Variants in THRB observed in about 807,000 individuals in gnomAD.
The protein encoded by THRB is nuclear receptor subfamily 1 group A member 2.
A neutral mutation model predicts 47.8 loss-of-function variants in THRB; 12 were observed. The observed-to-expected ratio is 0.25, with a 90% CI of 0.16 to 0.41. THRB has a LOEUF of 0.41. Ranked by LOEUF, THRB falls within the 10% of genes least tolerant of loss-of-function variation. The pLI is 1.00. For missense variants in THRB, 348 were observed against 589.2 expected, an observed-to-expected ratio of 0.59 and a Z score of 4.24; for synonymous variants, 218 against 212.2, an observed-to-expected ratio of 1.03 and a Z score of -0.24.
intron 2 of THRB, among the ~76,000 whole-genome samples, chr3:24,326,691 A>G (rs982469500): frequency 5.3e-5 from 8 of 151,426 alleles, no homozygotes; most frequent in African/African-American, 1.9e-4. Context: ...TTATTAAGCA[A>G]ACTCCCAAAC....
chr3:24,387,716 T>C (rs149525096), intron 1 of THRB, among the ~76,000 whole-genome samples: 9 of 152,254 alleles, frequency 5.9e-5, no homozygotes, highest in Non-Finnish European at 1.0e-4. Context: ...GTTGAAACTG[T>C]ATCCTTAGAA....
intron 2 of THRB, among the ~76,000 whole-genome samples, chr3:24,337,044 A>C (rs1319305306): frequency 6.6e-6 from 1 of 152,164 alleles, no homozygotes; most frequent in Non-Finnish European, 1.5e-5. Flanking sequence ...TTCTGGCATA[A>C]CAAGTGAAAA....
intron 1 of THRB, among the ~76,000 whole-genome samples, chr3:24,449,105 G>A (rs2072389368): frequency 6.6e-6 from 1 of 152,080 alleles, no homozygotes; most frequent in Non-Finnish European, 1.5e-5. Flanking sequence ...ATTTAAAGTT[G>A]GCCAATGAAA....
chr3:24,348,467 T>A (rs80188082), intron 1 of THRB: 1 of 152,096 alleles, frequency 6.6e-6, no homozygotes, highest in Non-Finnish European at 1.5e-5. Context: ...TCATGCCTTT[T>A]CCTTGTATAT....
At chr3:24,177,928 G>T (rs1351546153) in intron 5 of THRB, among the ~76,000 whole-genome samples, 1 of 152,128 alleles carries the variant, frequency 6.6e-6, no homozygotes, top group Non-Finnish European at 1.5e-5. Flanking sequence ...TAAAGTGGCT[G>T]TGTCTTTTTT....
chr3:24,125,387 G>A (rs893646623), intron 10 of THRB, among the ~76,000 whole-genome samples: 2 of 152,162 alleles, frequency 1.3e-5, no homozygotes, highest in Admixed American at 6.5e-5. Flanking sequence ...GAAGAAAACC[G>A]TCAGAGAAAC....
chr3:24,446,204 G>A (rs1306740972), intron 1 of THRB, among the ~76,000 whole-genome samples: 2 of 152,114 alleles, frequency 1.3e-5, no homozygotes, highest in Admixed American at 6.5e-5. Flanking sequence ...GGAAGCCTTC[G>A]CCTTTTATGT....
At chr3:24,311,704 C>T (rs2057771889) in intron 2 of THRB, among the ~76,000 whole-genome samples, 1 of 152,130 alleles carries the variant, frequency 6.6e-6, no homozygotes, top group African/African-American at 2.4e-5. Context: ...TTTTAAATCT[C>T]TCTTCTGGAC....
intron 3 of THRB, among the ~76,000 whole-genome samples, chr3:24,294,400 C>G (rs2056261500): frequency 6.6e-6 from 1 of 152,168 alleles, no homozygotes; most frequent in Non-Finnish European, 1.5e-5. Context: ...ATTTGTTACA[C>G]ATTATTGAGT....
intron 1 of THRB, among the ~76,000 whole-genome samples, chr3:24,493,228 G>GA (rs1423134096): frequency 6.6e-5 from 10 of 152,214 alleles, no homozygotes; most frequent in Non-Finnish European, 1.0e-4. Flanking sequence ...TTCGGAATTA[G>GA]AAAGAATTAA....
chr3:24,477,463 T>A (rs1560286383), intron 1 of THRB, among the ~76,000 whole-genome samples: 1 of 152,146 alleles, frequency 6.6e-6, no homozygotes, highest in Non-Finnish European at 1.5e-5. Context: ...CTTGTTTAAA[T>A]GCAGATCCCG....
At chr3:24,375,374 C>A (rs1441398939) in intron 1 of THRB, among the ~76,000 whole-genome samples, 1 of 139,952 alleles carries the variant, frequency 7.1e-6, no homozygotes, top group African/African-American at 2.6e-5. Context: ...TATATTTAGA[C>A]ATATAATATT....
intron 1 of THRB, among the ~76,000 whole-genome samples, chr3:24,339,491 T>C (rs549406984): frequency 2.6e-5 from 4 of 152,170 alleles, no homozygotes; most frequent in African/African-American, 9.6e-5. Flanking sequence ...TCTGATGTCA[T>C]GGGCCTTGTT....
chr3:24,401,478 G>A (rs1299355206), intron 1 of THRB, among the ~76,000 whole-genome samples: 4 of 151,840 alleles, frequency 2.6e-5, no homozygotes, highest in South Asian at 2.1e-4. Flanking sequence ...ATTTTATTTC[G>A]TTATTGATTT....
intron 3 of THRB, among the ~76,000 whole-genome samples, chr3:24,288,330 C>T (rs540389553): frequency 1.3e-4 from 20 of 152,164 alleles, no homozygotes; most frequent in African/African-American, 2.9e-4. Flanking sequence ...AGTTTTCCAC[C>T]GTCTACATCT....
chr3:24,237,557 C>T (rs1025359226), intron 3 of THRB, among the ~76,000 whole-genome samples: 2 of 152,134 alleles, frequency 1.3e-5, no homozygotes, highest in African/African-American at 4.8e-5. Context: ...CTTCCCCTCT[C>T]CTTTTCCACC....
intron 1 of THRB, among the ~76,000 whole-genome samples, chr3:24,466,561 C>G (rs1265952508): frequency 4.6e-5 from 7 of 152,142 alleles, no homozygotes; most frequent in African/African-American, 1.7e-4. Flanking sequence ...CCTCCAATCT[C>G]AACTACAGGC....
chr3:24,359,216 A>G (rs1300758141), intron 1 of THRB, among the ~76,000 whole-genome samples: 2 of 152,134 alleles, frequency 1.3e-5, no homozygotes, highest in Non-Finnish European at 2.9e-5. Context: ...CTGGGCTGGT[A>G]TGGAAGTACA....
At chr3:24,449,130 G>A (rs1405577089) in intron 1 of THRB, among the ~76,000 whole-genome samples, 3 of 152,108 alleles carry the variant, frequency 2.0e-5, no homozygotes, top group African/African-American at 7.2e-5. Flanking sequence ...AAGTATGAAA[G>A]GGAAAATCAG....
Sources: gnomAD v4.1 joint callset for allele counts (sites outside exome capture counted in the v4.1 genomes callset) on GRCh38, gnomAD v4.1.1 for gene constraint, MANE v1.5 for transcripts, NCBI Gene and HGNC (gene_info 2026-07-23, HGNC 2026-07-21) for gene names.